SLC16A12: variants seen among roughly 807,000 people sequenced by gnomAD.
The protein encoded by SLC16A12 is monocarboxylate transporter 12.
A neutral mutation model predicts 42.4 loss-of-function variants in SLC16A12; 17 were observed. The ratio of observed to expected loss-of-function variants is 0.40; its 90% CI spans 0.27 to 0.60. The LOEUF is 0.60. Among genes scored for constraint, SLC16A12 ranks in the 20% least tolerant of loss-of-function variants. The probability of loss-of-function intolerance (pLI) is 0.42; values close to 1 mark genes in which losing one functional copy is unlikely to be tolerated. For synonymous variants in SLC16A12, 224 were observed against 229.4 expected (o/e 0.98, Z 0.21); for missense variants, 544 against 623.0 (o/e 0.87, Z 1.35).
chr10:89,502,015 C>T (rs762027373), intron 2 of SLC16A12, among the ~76,000 whole-genome samples: 10 of 152,092 alleles, frequency 6.6e-5, no homozygotes, highest in African/African-American at 2.4e-4. Flanking sequence ...GAATTGAAGA[C>T]AATTTGATCC....
intron 2 of SLC16A12, among the ~76,000 whole-genome samples, chr10:89,467,322 A>T (rs900278924): frequency 3.3e-5 from 5 of 152,244 alleles, no homozygotes; most frequent in African/African-American, 1.2e-4. Context: ...TGGATCATGA[A>T]TTAGAAAGGT....
intron 2 of SLC16A12, among the ~76,000 whole-genome samples, chr10:89,549,019 T>C (rs1332934057): frequency 6.6e-6 from 1 of 152,180 alleles, no homozygotes; most frequent in Non-Finnish European, 1.5e-5. Context: ...TTGAATGAGA[T>C]GGATGGTTCT....
chr10:89,539,495 G>A (rs1203949027), upstream of SLC16A12, among the ~76,000 whole-genome samples: 1 of 152,172 alleles, frequency 6.6e-6, no homozygotes, highest in African/African-American at 2.4e-5. Flanking sequence ...ATAGGATTCT[G>A]AGAAGCCTGA....
intron 2 of SLC16A12, among the ~76,000 whole-genome samples, chr10:89,505,439 A>C (rs1034662230): frequency 1.3e-5 from 2 of 151,972 alleles, no homozygotes; most frequent in African/African-American, 4.8e-5. Context: ...CAAAAAAACA[A>C]AAAAAAACAA....
chr10:89,540,995 C>T (rs1157591049), intron 2 of SLC16A12, among the ~76,000 whole-genome samples: 1 of 150,454 alleles, frequency 6.6e-6, no homozygotes, highest in Non-Finnish European at 1.5e-5. Flanking sequence ...AATCTCGGCT[C>T]AATTTAAGCT....
chr10:89,545,027 C>A lies in SLC16A12; in HGVS notation c.-47+10855G>T, dbSNP rs1005008123. The stretch of plus-strand genomic sequence containing the variant: ...GTCTAGACCTTAAGGGGTTATACCT[C>A]CATCTGGCTCTCTCTCAAATCCTGC... On this transcript the variant is annotated intron_variant, in intron 2 of 2. Coordinates refer to the SLC16A12 transcript ENST00000475682. Among the ~76,000 whole-genome samples, 3 of 152,164 alleles carry A rather than the reference C, an allele frequency of 2.0e-5. No homozygotes were observed. In the East Asian group the frequency reaches 5.8e-4, roughly 29 times the overall value.
At chr10:89,457,367 CAT>C (rs1295483157) in intron 3 of SLC16A12, among the ~76,000 whole-genome samples, 1 of 152,156 alleles carries the variant, frequency 6.6e-6, no homozygotes, top group African/African-American at 2.4e-5. Flanking sequence ...AACCAACAAA[CAT>C]ATGAAAAAAG....
rs55935286 is a variant in SLC16A12 at position 89,534,644 on chromosome 10, C to CAAAAAAAAAAAA, written c.-186-16_-186-5dup. ...CCAATATGTCGAAATCCTGTATCTG[C>CAAAAAAAAAAAA]AAAAAAAAAAAAAAAAAAAAAAAAA... On this transcript the variant is annotated splice_region_variant and splice_polypyrimidine_tract_variant and intron_variant, in intron 1 of 7. Transcript: ENST00000371790. The CAAAAAAAAAAAA allele has an allele frequency of 6.3e-4, 33 of 52,274 alleles. No individual in the cohort carries two copies. Among genetic ancestry groups the CAAAAAAAAAAAA allele is most frequent in the East Asian group, 2.0e-3 (3 of 1,482 alleles). The allele number at this position is 52,274 out of a possible 1,614,324, so 3.2% of individuals were successfully genotyped here.
At chr10:89,448,958 T>C (rs1589667409) in intron 3 of SLC16A12, among the ~76,000 whole-genome samples, 1 of 151,926 alleles carries the variant, frequency 6.6e-6, no homozygotes, top group African/African-American at 2.4e-5. Context: ...TCCTATACAC[T>C]AATAACAGAC....
At chr10:89,449,380 A>C (rs1264608738) in intron 3 of SLC16A12, among the ~76,000 whole-genome samples, 2 of 152,184 alleles carry the variant, frequency 1.3e-5, no homozygotes, top group Non-Finnish European at 2.9e-5. Flanking sequence ...ACAGTAACCA[A>C]AGCAGCATGG....
At chr10:89,448,416 G>A (rs1008925654) in intron 3 of SLC16A12, among the ~76,000 whole-genome samples, 2 of 152,096 alleles carry the variant, frequency 1.3e-5, no homozygotes, top group African/African-American at 4.8e-5. Context: ...CCAAGATCAA[G>A]TTGGCTTCAT....
intron 2 of SLC16A12, among the ~76,000 whole-genome samples, chr10:89,464,014 C>T (rs879542923): frequency 1.3e-5 from 2 of 152,108 alleles, no homozygotes; most frequent in Admixed American, 6.6e-5. Context: ...AATTATGTCA[C>T]GTTATATATG....
At chr10:89,524,986 G>C (rs1416190355) in intron 2 of SLC16A12, among the ~76,000 whole-genome samples, 1 of 152,184 alleles carries the variant, frequency 6.6e-6, no homozygotes, top group African/African-American at 2.4e-5. Flanking sequence ...GGGAGGCTGA[G>C]GCGGGTGGAT....
At chr10:89,506,354 A>G (rs1395673570) in intron 2 of SLC16A12, among the ~76,000 whole-genome samples, 6 of 152,188 alleles carry the variant, frequency 3.9e-5, no homozygotes. Context: ...GTGAACCTCT[A>G]GGACGAAGCT....
intron 2 of SLC16A12, 110 bp downstream of exon 2, chr10:89,534,391 G>A (rs964789220): frequency 2.6e-5 from 4 of 152,240 alleles, no homozygotes; most frequent in African/African-American, 9.7e-5. Flanking sequence ...CCTGGGCTAA[G>A]CTGGTGACGC....
chr10:89,446,500 G>A (rs997588793), intron 3 of SLC16A12, among the ~76,000 whole-genome samples: 13 of 152,206 alleles, frequency 8.5e-5, no homozygotes, highest in Non-Finnish European at 1.2e-4. Context: ...TTCATATCTG[G>A]CCAAACTAAG....
chr10:89,509,238 C>G (rs980474003), intron 2 of SLC16A12, among the ~76,000 whole-genome samples: 5 of 152,174 alleles, frequency 3.3e-5, no homozygotes, highest in African/African-American at 1.2e-4. Context: ...CTCCCTTACT[C>G]ATTTTATGAG....
chr10:89,502,992 G>A (rs952333694), intron 2 of SLC16A12, among the ~76,000 whole-genome samples: 2 of 152,160 alleles, frequency 1.3e-5, no homozygotes, highest in Admixed American at 6.5e-5. Flanking sequence ...CAGGATCAGC[G>A]GGTTCCTATT....
chr10:89,485,859 A>G (rs941303407), intron 2 of SLC16A12, among the ~76,000 whole-genome samples: 16 of 152,210 alleles, frequency 1.1e-4, no homozygotes, highest in Admixed American at 1.3e-4. Context: ...ATGCATCAGG[A>G]CATACAATTG....
Sources: allele counts gnomAD v4.1 joint callset (sites outside exome capture counted in the v4.1 genomes callset), GRCh38; gene constraint gnomAD v4.1.1; transcripts MANE v1.5; gene names NCBI Gene and HGNC (gene_info 2026-07-23, HGNC 2026-07-21).